Variants in NLRX1 observed in about 807,000 individuals in gnomAD.
The protein encoded by NLRX1 is NOD-like receptor X1.
A neutral mutation model predicts 74.2 loss-of-function variants in NLRX1; 67 were observed. That is an observed-to-expected ratio of 0.90 (90% CI 0.74 to 1.11). The LOEUF is 1.11. NLRX1 is among the 50% of genes least tolerant of loss of function. The pLI is 0.00. For synonymous variants in NLRX1, 506 were observed against 559.1 expected (o/e 0.91, Z 1.34); for missense variants, 1,191 against 1,305.4 (o/e 0.91, Z 1.35).
At position 119,183,197 on chromosome 11, in the gene NLRX1, G is replaced by A; in HGVS notation, c.2686G>A (p.Val896Met). ...LGGAAEGGAR[V>M]VVSLTEGTAV... The stretch of plus-strand genomic sequence containing the variant: ...GGGTGCTGCTGAAGGTGGTGCCCGG[G>A]TGGTGGTGTCACTGACAGAGGGGAC... Residue 896 changes from valine (V) to methionine (M), a missense_variant, in exon 10 of 10, where the codon GTG becomes ATG. Transcript: ENST00000409109. This position sits in a 1 kb window ranked among gnomAD's most constrained non-coding sequence, Gnocchi z 5.7. The A allele has an allele frequency of 6.2e-7, 1 of 1,614,230 alleles. No individual in the cohort carries two copies. The highest frequency in any genetic ancestry group is 8.5e-7 in the Non-Finnish European group (1 of 1,180,046).
In NLRX1 at chr11:119,183,228, T is replaced by C; in HGVS notation, c.2717T>C (p.Val906Ala). ...VVVSLTEGTA[V>A]SEYWSVILSE... The stretch of plus-strand genomic sequence containing the variant: ...GTGTCACTGACAGAGGGGACGGCGG[T>C]GTCAGAATACTGGTCAGTGATCCTC... The change falls in exon 10 of 10, where the codon GTG (valine) becomes GCG (alanine). Residue 906 changes from valine to alanine, a missense_variant. Physicochemically the swap from Val to Ala is moderately conservative, Grantham distance 64. Transcript: ENST00000409109. The surrounding 1 kb of genome is among the most constrained non-coding windows in gnomAD (Gnocchi z 5.7). 1 of 1,614,178 alleles carries C rather than the reference T, an allele frequency of 6.2e-7. No homozygotes were observed. The highest frequency in any genetic ancestry group is 8.5e-7 in the Non-Finnish European group (1 of 1,180,028).
At position 119,183,465 on chromosome 11, in the gene NLRX1, T is replaced by C. The variant is rs763017872; in HGVS notation, c.*26T>C. ...GACACTGGCGGCAGGCACCTAGCTA[T>C]GTGACCACTGGCCCTAAACCTTTTC... On this transcript the variant is annotated 3_prime_UTR_variant, in exon 10 of 10. Transcript: ENST00000409109. This position sits in a 1 kb window ranked among gnomAD's most constrained non-coding sequence, Gnocchi z 5.7. The C allele has an allele frequency of 6.3e-7, 1 of 1,593,550 alleles. No homozygotes were observed. Among genetic ancestry groups the C allele is most frequent in the Non-Finnish European group, 8.5e-7 (1 of 1,172,260 alleles).
At chr11:119,178,831 TG>T (rs1418160147) in intron 6 of NLRX1, among the ~76,000 whole-genome samples, 1 of 151,908 alleles carries the variant, frequency 6.6e-6, no homozygotes, top group Non-Finnish European at 1.5e-5. Flanking sequence ...CCACCATGCC[TG>T]GCTAATTTAT....
intron 1 of NLRX1, among the ~76,000 whole-genome samples, chr11:119,170,067 T>C (rs1459987168): frequency 1.4e-5 from 2 of 143,200 alleles, no homozygotes; most frequent in Non-Finnish European, 3.0e-5. Flanking sequence ...AAAAAGGTCA[T>C]TCCAAACTGG....
At chr11:119,180,320 G>C (rs73564483) in intron 7 of NLRX1, 32 bp downstream of exon 7, 7 of 1,503,338 alleles carry the variant, frequency 4.7e-6, no homozygotes, top group African/African-American at 1.4e-5. Context: ...CAGGCATGAA[G>C]AGGGAAGAGG....
In NLRX1 at chr11:119,182,176, T is replaced by C. The variant is rs1948854512; in HGVS notation, c.2437T>C (p.Ser813Pro). The C allele has an allele frequency of 1.9e-6, 3 of 1,614,006 alleles. No individual in the cohort carries two copies. Among genetic ancestry groups the C allele is most frequent in the Non-Finnish European group, 2.5e-6 (3 of 1,180,044 alleles). ...LAGNTSVTHLSLLHTGLGDEG... is the reference protein window; with the variant it reads ...LAGNTSVTHLPLLHTGLGDEG... ...AGGAAACACCTCAGTGACGCACCTG[T>C]CCCTGCTGCACACGGGCCTTGGGGA... Residue 813 changes from serine (S) to proline (P), a missense_variant, in exon 9 of 10, where the codon TCC becomes CCC. Transcript: ENST00000409109.
chr11:119,173,925 GT>G lies in NLRX1; in HGVS notation c.678del (p.Leu227CysfsTer3). 3 of 1,613,800 alleles carry G rather than the reference GT, an allele frequency of 1.9e-6. No individual in the cohort carries two copies. Among genetic ancestry groups the G allele is most frequent in the Non-Finnish European group, 2.5e-6 (3 of 1,180,034 alleles). On this transcript the variant is annotated frameshift_variant, in exon 5 of 10. Coordinates refer to ENST00000409109, the MANE Select transcript of NLRX1 (RefSeq NM_001282144.2). LOFTEE classifies it high-confidence loss of function. The surrounding 1 kb of genome is among the most constrained non-coding windows in gnomAD (Gnocchi z 4.0). ...VAQRYTPLKE[V>X]LPLMAAAGSH... The stretch of plus-strand genomic sequence containing the variant: ...CCAGCGCTACACGCCCCTGAAGGAG[GT>G]TCTGCCCCTGATGGCTGCTGCTGGG...
At position 119,174,001 on chromosome 11, in the gene NLRX1, TC is replaced by T; in HGVS notation, c.754del (p.Arg252GlyfsTer37). On this transcript the variant is annotated frameshift_variant, in exon 5 of 10. Transcript: ENST00000409109. LOFTEE classifies it high-confidence loss of function. ...LHGLEHLNLDFRLAGTGLCSD... is the reference protein window; with the variant it reads ...LHGLEHLNLDXRLAGTGLCSD... ...GGCTTAGAGCATCTCAACCTCGACT[TC>T]CGGCTGGCAGGCACGGGACTTTGTA... is the stretch of plus-strand genomic sequence containing the variant. 6.2e-7 allele frequency: 1 copy of T among 1,614,104 alleles called. No homozygotes were observed. The highest frequency in any genetic ancestry group is 1.1e-5 in the South Asian group (1 of 91,076).
In NLRX1 at chr11:119,182,282, G is replaced by A; in HGVS notation, c.2543G>A (p.Gly848Asp). The part of the protein sequence containing the change: ...QELNVAYNGA[G>D]DTAALALARA... ...CTGAACGTGGCGTACAACGGTGCTG[G>A]TGACACAGCGGCCCTGGCCCTGGCC... The change falls in exon 9 of 10, where the codon GGT (glycine) becomes GAT (aspartate). Residue 848 changes from glycine to aspartate, a missense_variant. Physicochemically the swap from Gly to Asp is moderately conservative, Grantham distance 94. Coordinates refer to ENST00000409109, the MANE Select transcript of NLRX1 (RefSeq NM_001282144.2). 6.2e-7 allele frequency: 1 copy of A among 1,613,646 alleles called. No homozygotes were observed. The highest frequency in any genetic ancestry group is 1.7e-4 in the Middle Eastern group (1 of 5,992).
In NLRX1 at chr11:119,183,080, G is replaced by A. The variant is rs1362737050; in HGVS notation, c.2607-38G>A. 1.3e-6 allele frequency: 2 copies of A among 1,588,766 alleles called. No individual in the cohort carries two copies. The highest frequency in any genetic ancestry group is 1.3e-5 in the African/African-American group (1 of 74,494). On this transcript the variant is annotated intron_variant, in intron 9 of 9. Transcript: ENST00000409109. This position sits in a 1 kb window ranked among gnomAD's most constrained non-coding sequence, Gnocchi z 5.7. ...CTACCCTCGGGCCCTCCTTCTCAGA[G>A]CTCTACTGAATGGCATCGACTTTCT... is the stretch of plus-strand genomic sequence containing the variant.
At chr11:119,182,913 CAAAAACA>C (rs1948876109) in intron 9 of NLRX1, among the ~76,000 whole-genome samples, 198 bp from the exon 10 acceptor site, 1 of 148,736 alleles carries the variant, frequency 6.7e-6, no homozygotes, top group Non-Finnish European at 1.5e-5. Context: ...AAAACAAAAA[CAAAAACA>C]AAAAAAAAAA....
Position 119,171,356 on chromosome 11 carries a change from G to T in NLRX1, c.-48G>T. On this transcript the variant is annotated splice_region_variant and 5_prime_UTR_variant, in exon 2 of 10. Transcript: ENST00000409109. ...TCCATTCGTACTATTCTTCTTGCAG[G>T]ACAGAAGTCGGTCCTAGGCCCCCCA... 1.2e-6 allele frequency: 2 copies of T among 1,608,770 alleles called. No individual in the cohort carries two copies. Among genetic ancestry groups the T allele is most frequent in the South Asian group, 1.1e-5 (1 of 90,800 alleles).
chr11:119,177,146 G>A (rs565675440), intron 6 of NLRX1, among the ~76,000 whole-genome samples: 11 of 151,856 alleles, frequency 7.2e-5, no homozygotes, highest in East Asian at 2.0e-4. Context: ...CAGTGGCACC[G>A]TCTCTGCTCA....
intron 6 of NLRX1, 68 bp from the exon 7 acceptor site, chr11:119,179,625 A>T: frequency 1.4e-6 from 2 of 1,404,362 alleles, no homozygotes; most frequent in Non-Finnish European, 2.0e-6. Flanking sequence ...AGTGTACCTT[A>T]AGCTGAACCT....
intron 6 of NLRX1, among the ~76,000 whole-genome samples, chr11:119,178,191 TA>T (rs1284165676): frequency 6.6e-6 from 1 of 151,840 alleles, no homozygotes; most frequent in Admixed American, 6.6e-5. Flanking sequence ...ATTAAAACAT[TA>T]AAAAGTAAAA....
chr11:119,170,233 C>A (rs1948508871), intron 1 of NLRX1, among the ~76,000 whole-genome samples: 1 of 151,878 alleles, frequency 6.6e-6, no homozygotes, highest in Admixed American at 6.6e-5. Flanking sequence ...GTGCTTGGTG[C>A]TTGGGGTGAG....
chr11:119,183,005 C>A lies in NLRX1; in HGVS notation c.2607-113C>A. 1.1e-6 allele frequency: 1 copy of A among 930,300 alleles called. No homozygotes were observed. The highest frequency in any genetic ancestry group is 1.6e-6 in the Non-Finnish European group (1 of 617,856). The allele number at this position is 930,300 out of a possible 1,614,324, so 57.6% of individuals were successfully genotyped here. A position where few individuals can be genotyped will look rare whatever the true frequency, so the allele number is the denominator to read the frequency against. On this transcript the variant is annotated intron_variant, in intron 9 of 9. Transcript: ENST00000409109. The surrounding 1 kb of genome is among the most constrained non-coding windows in gnomAD (Gnocchi z 5.7). ...CTGGCTCATTGCAGTTACCTGATCG[C>A]ACTCTGCAGCCAGGAGATGAGTTGT...
chr11:119,172,948 C>T lies in NLRX1; in HGVS notation c.188C>T (p.Pro63Leu). The T allele has an allele frequency of 6.2e-7, 1 of 1,613,952 alleles. No individual in the cohort carries two copies. Among genetic ancestry groups the T allele is most frequent in the Admixed American group, 1.7e-5 (1 of 60,002 alleles). The part of the protein sequence containing the change: ...HGSSVDSAPP[P>L]GRHGRLFPSA... ...AGCTCGGTAGATAGCGCTCCCCCAC[C>T]CGGGAGGCATGGACGGCTGTTCCCC... The change falls in exon 4 of 10, where the codon CCC becomes CTC. Residue 63 changes from proline to leucine, a missense_variant. Coordinates refer to ENST00000409109, the MANE Select transcript of NLRX1 (RefSeq NM_001282144.2).
At chr11:119,182,609 G>A (rs1166628770) in intron 9 of NLRX1, among the ~76,000 whole-genome samples, 2 of 152,108 alleles carry the variant, frequency 1.3e-5, no homozygotes, top group South Asian at 2.1e-4. Flanking sequence ...TATCAGGGTC[G>A]GCTGTGGTGG....
Sources: allele counts gnomAD v4.1 joint callset (sites outside exome capture counted in the v4.1 genomes callset), GRCh38; gene constraint gnomAD v4.1.1; non-coding constraint Gnocchi (gnomAD v3.1); transcripts MANE v1.5; gene names NCBI Gene and HGNC (gene_info 2026-07-23, HGNC 2026-07-21).